XYLT1: variants seen among roughly 807,000 people sequenced by gnomAD.
The protein encoded by XYLT1 is beta-D-xylosyltransferase 1.
XYLT1 carries 36 observed loss-of-function variants against 91.3 expected under a neutral mutation model. That is an observed-to-expected ratio of 0.39 (90% CI 0.30 to 0.52). The LOEUF (loss-of-function observed/expected upper bound fraction) is 0.52, where lower values mean the gene tolerates loss of function less well. Ranked by LOEUF, XYLT1 falls within the 20% of genes least tolerant of loss-of-function variation. The pLI is 0.68. For synonymous variants in XYLT1, 588 were observed against 532.0 expected (o/e 1.11, Z -1.45); for missense variants, 1,242 against 1,284.5 (o/e 0.97, Z 0.51).
intron 1 of XYLT1, among the ~76,000 whole-genome samples, chr16:17,358,646 C>A (rs1469304967): frequency 3.3e-5 from 5 of 152,068 alleles, no homozygotes; most frequent in Non-Finnish European, 7.4e-5. Flanking sequence ...TCACACAAAA[C>A]AACAAAATGT....
At chr16:17,117,237 A>G (rs1219248279) in intron 11 of XYLT1, among the ~76,000 whole-genome samples, 1 of 152,226 alleles carries the variant, frequency 6.6e-6, no homozygotes, top group East Asian at 1.9e-4. Flanking sequence ...AATATCTTCT[A>G]CTATTATGTG....
At chr16:17,156,522 G>A (rs992685779) in intron 6 of XYLT1, among the ~76,000 whole-genome samples, 23 of 152,226 alleles carry the variant, frequency 1.5e-4, no homozygotes, top group Non-Finnish European at 3.1e-4. Flanking sequence ...TGCAGCTATG[G>A]GGCCAGAAAA....
intron 5 of XYLT1, among the ~76,000 whole-genome samples, chr16:17,165,586 G>A (rs1007479673): frequency 3.9e-5 from 6 of 152,072 alleles, no homozygotes; most frequent in Admixed American, 6.5e-5. Flanking sequence ...CCAGCTACTC[G>A]GAGGCTGAGG....
At chr16:17,442,221 C>T (rs2036540161) in intron 1 of XYLT1, among the ~76,000 whole-genome samples, 1 of 152,190 alleles carries the variant, frequency 6.6e-6, no homozygotes, top group Non-Finnish European at 1.5e-5. Context: ...AGCCATCATA[C>T]TTGTATGAGC....
At chr16:17,435,867 G>C (rs764537317) in intron 1 of XYLT1, among the ~76,000 whole-genome samples, 27 of 152,200 alleles carry the variant, frequency 1.8e-4, no homozygotes, top group Non-Finnish European at 3.7e-4. Context: ...CATGAAGAAT[G>C]CATGACTTTA....
At chr16:17,324,567 G>A (rs1166920655) in intron 2 of XYLT1, among the ~76,000 whole-genome samples, 3 of 152,226 alleles carry the variant, frequency 2.0e-5, no homozygotes, top group Non-Finnish European at 4.4e-5. Context: ...TACTATAAAA[G>A]CTGCTGAAAG....
intron 2 of XYLT1, among the ~76,000 whole-genome samples, chr16:17,320,930 C>T (rs2034709453): frequency 6.6e-6 from 1 of 152,020 alleles, no homozygotes; most frequent in Non-Finnish European, 1.5e-5. Flanking sequence ...ACGTAAGGCA[C>T]TTAGCACTTT....
At chr16:17,303,702 G>C (rs2034430907) in intron 2 of XYLT1, among the ~76,000 whole-genome samples, 1 of 152,186 alleles carries the variant, frequency 6.6e-6, no homozygotes, top group East Asian at 1.9e-4. Context: ...CACGCCACAT[G>C]TCTGTCTTTA....
At chr16:17,239,675 C>T (rs1294487401) in intron 3 of XYLT1, among the ~76,000 whole-genome samples, 1 of 151,242 alleles carries the variant, frequency 6.6e-6, no homozygotes, top group African/African-American at 2.4e-5. Flanking sequence ...GTTCCTAGTC[C>T]ATTCATCCAT....
At position 17,103,159 on chromosome 16, in the gene XYLT1, G is replaced by T. The variant is rs191169971; in HGVS notation, c.*5536C>A. 6.5e-5 allele frequency: 10 copies of T among 152,696 alleles called. No homozygotes were observed. In the East Asian group the frequency reaches 1.9e-3, roughly 30 times the overall value. 9.5% of individuals were successfully genotyped at this position (152,696 alleles called of 1,614,324 possible). On this transcript the variant is annotated 3_prime_UTR_variant, in exon 12 of 12. Transcript: ENST00000261381. ...AATATTTAGTGCTATCACTTTCCAG[G>T]CAGGAAGGACGAAGAGATAAATGGA...
intron 2 of XYLT1, among the ~76,000 whole-genome samples, chr16:17,262,960 A>G (rs939511250): frequency 1.3e-5 from 2 of 152,132 alleles, no homozygotes; most frequent in African/African-American, 4.8e-5. Context: ...AGAAACATCT[A>G]TTGACGACTC....
chr16:17,159,385 C>T (rs145386757), intron 5 of XYLT1, among the ~76,000 whole-genome samples: 68 of 152,266 alleles, frequency 4.5e-4, no homozygotes, highest in African/African-American at 1.5e-3. Flanking sequence ...TAAAGTAGTA[C>T]CTGCCTCCCG....
chr16:17,310,442 G>C (rs978837437), intron 2 of XYLT1, among the ~76,000 whole-genome samples: 3 of 152,140 alleles, frequency 2.0e-5, no homozygotes, highest in African/African-American at 7.2e-5. Context: ...ACTGGCATCT[G>C]TCCCCACCAG....
In XYLT1 at chr16:17,158,877, C is replaced by A; in HGVS notation, c.1322G>T (p.Arg441Leu). The A allele has an allele frequency of 6.2e-7, 1 of 1,614,052 alleles. No individual in the cohort carries two copies. The highest frequency in any genetic ancestry group is 8.5e-7 in the Non-Finnish European group (1 of 1,180,004). The change falls in exon 6 of 12, where the codon CGA becomes CTA. Residue 441 changes from arginine (R) to leucine (L), a missense_variant. Physicochemically the swap from Arg to Leu is moderately radical, Grantham distance 102. Transcript: ENST00000261381. Reference sequence around the variant, plus strand: ...CTTCAAGAAATTCATATCTCGGTATCGGGAGAGAAACGCCACCAACTGGTC... The same window carrying A: ...CTTCAAGAAATTCATATCTCGGTATAGGGAGAGAAACGCCACCAACTGGTC... ...TNDQLVAFLS[R>L]YRDMNFLKSH...
At position 17,313,075 on chromosome 16, in the gene XYLT1, A is replaced by G. The variant is rs560024679; in HGVS notation, c.402+44937T>C. Among the ~76,000 whole-genome samples, 40 of 152,316 alleles carry G rather than the reference A, an allele frequency of 2.6e-4. 1 individual carries two copies. In the South Asian group the frequency reaches 8.3e-3, roughly 32 times the overall value. On this transcript the variant is annotated intron_variant, in intron 2 of 11. Transcript: ENST00000261381. ...CCTTGTTGGCTCCTGGATAGTCTCT[A>G]TCCCAGCTCAAAGGTGTGCCTGTCT...
chr16:17,406,519 AG>A (rs1185998697), intron 1 of XYLT1, among the ~76,000 whole-genome samples: 1 of 152,236 alleles, frequency 6.6e-6, no homozygotes, highest in Admixed American at 6.5e-5. Context: ...TCACAGCCAG[AG>A]GAGTCCTGCC....
intron 5 of XYLT1, among the ~76,000 whole-genome samples, chr16:17,182,596 T>C (rs1456702504): frequency 6.6e-6 from 1 of 151,740 alleles, no homozygotes; most frequent in Admixed American, 6.6e-5. Context: ...GCATGGCCTC[T>C]TCTACATCGT....
At chr16:17,120,883 A>G (rs1467947483) in intron 10 of XYLT1, among the ~76,000 whole-genome samples, 2 of 152,192 alleles carry the variant, frequency 1.3e-5, no homozygotes, top group Non-Finnish European at 2.9e-5. Context: ...ATACAGATTG[A>G]TCATCTACTT....
intron 1 of XYLT1, among the ~76,000 whole-genome samples, chr16:17,434,795 G>C (rs2036434110): frequency 6.6e-6 from 1 of 152,018 alleles, no homozygotes; most frequent in African/African-American, 2.4e-5. Flanking sequence ...TTCAGTTCAG[G>C]AGTTCAGGGC....
Sources: gnomAD v4.1 joint callset for allele counts (sites outside exome capture counted in the v4.1 genomes callset) on GRCh38, gnomAD v4.1.1 for gene constraint, MANE v1.5 for transcripts, NCBI Gene and HGNC (gene_info 2026-07-23, HGNC 2026-07-21) for gene names.